Variants in RAB10 observed in about 807,000 individuals in gnomAD.
The protein encoded by RAB10 is RAB10, member RAS oncogene family, also known as ras-related protein Rab-10.
In RAB10, 5 loss-of-function variants were observed where a neutral mutation model predicts 25.7. That is an observed-to-expected ratio of 0.19 (90% confidence interval 0.10 to 0.41). The LOEUF (loss-of-function observed/expected upper bound fraction) is 0.41. RAB10 is among the 10% of genes least tolerant of loss of function. The pLI is 1.00. For missense variants in RAB10, 103 were observed against 245.8 expected (o/e 0.42, Z 3.89); for synonymous variants, 89 against 86.4 (o/e 1.03, Z -0.16).
At chr2:26,061,890 G>A (rs912856491) in intron 1 of RAB10, among the ~76,000 whole-genome samples, 1 of 151,816 alleles carries the variant, frequency 6.6e-6, no homozygotes, top group Admixed American at 6.6e-5. Context: ...CAATGTAGCT[G>A]GCTAATTTTT....
At chr2:26,066,468 A>G (rs1666513974) in intron 1 of RAB10, among the ~76,000 whole-genome samples, 1 of 152,208 alleles carries the variant, frequency 6.6e-6, no homozygotes, top group African/African-American at 2.4e-5. Context: ...CTATGAAGAA[A>G]TACCAGAGAC....
chr2:26,093,332 T>C (rs1205745775), intron 1 of RAB10, among the ~76,000 whole-genome samples: 1 of 152,172 alleles, frequency 6.6e-6, no homozygotes, highest in Non-Finnish European at 1.5e-5. Flanking sequence ...GAAGTCTTTA[T>C]TTGAAGTTTT....
intron 3 of RAB10, among the ~76,000 whole-genome samples, chr2:26,124,389 C>CTTTTGTTTTTTTTTTT (rs1667864720): frequency 5.1e-5 from 1 of 19,666 alleles, no homozygotes; most frequent in East Asian, 2.4e-3. Context: ...GTTGTTGTTG[C>CTTTTGTTTTTTTTTTT]TTTTTTTTTT....
chr2:26,047,846 C>T (rs1174496387), intron 1 of RAB10, among the ~76,000 whole-genome samples: 1 of 151,906 alleles, frequency 6.6e-6, no homozygotes, highest in Non-Finnish European at 1.5e-5. Context: ...GCCACAGCCT[C>T]CCAAGTAGCT....
intron 3 of RAB10, among the ~76,000 whole-genome samples, chr2:26,120,352 A>C (rs1667777914): frequency 2.6e-5 from 4 of 152,340 alleles, no homozygotes; most frequent in Admixed American, 2.6e-4. Context: ...AGAATGATGT[A>C]CTTATACAAC....
At chr2:26,132,035 G>A (rs1668022253) in intron 5 of RAB10, among the ~76,000 whole-genome samples, 1 of 152,174 alleles carries the variant, frequency 6.6e-6, no homozygotes, top group African/African-American at 2.4e-5. Flanking sequence ...TGGCCAAAGA[G>A]CGTACATGTA....
Position 26,135,391 on chromosome 2 carries a change from C to T in RAB10, c.*370C>T, listed in dbSNP as rs547581073. 4 of 163,780 alleles carry T rather than the reference C, an allele frequency of 2.4e-5. No homozygotes were observed. Among genetic ancestry groups the T allele is most frequent in the African/African-American group, 9.5e-5 (4 of 41,900 alleles). 10.1% of individuals were successfully genotyped at this position (163,780 alleles called of 1,614,324 possible). A position where few individuals can be genotyped will look rare whatever the true frequency, so the allele number is the denominator to read the frequency against. On this transcript the variant is annotated 3_prime_UTR_variant, in exon 6 of 6. Coordinates refer to ENST00000264710, the MANE Select transcript of RAB10 (RefSeq NM_016131.5). ...TTAGAATTAACAATTTTATTTTGTA[C>T]AACAGTGGAATTTTCTGTCATGGAT...
intron 3 of RAB10, 142 bp from the exon 4 acceptor site, chr2:26,127,002 A>G (rs1306951808): frequency 3.5e-6 from 2 of 565,902 alleles, no homozygotes; most frequent in Admixed American, 7.8e-5. Flanking sequence ...GGCTTTTAGT[A>G]TGGAGTAGTT....
chr2:26,089,847 G>C (rs998562478), intron 1 of RAB10, among the ~76,000 whole-genome samples: 1 of 152,092 alleles, frequency 6.6e-6, no homozygotes, highest in African/African-American at 2.4e-5. Flanking sequence ...GCTAAGCCAA[G>C]TAGTGTACTA....
chr2:26,134,161 G>T (rs1574567253), intron 5 of RAB10, among the ~76,000 whole-genome samples: 1 of 152,232 alleles, frequency 6.6e-6, no homozygotes, highest in African/African-American at 2.4e-5. Flanking sequence ...TGTTGCACAG[G>T]CTGGAGTGCA....
chr2:26,059,303 TCCA>T (rs1666347797), intron 1 of RAB10, among the ~76,000 whole-genome samples: 1 of 152,238 alleles, frequency 6.6e-6, no homozygotes, highest in African/African-American at 2.4e-5. Context: ...GTTTGAATAG[TCCA>T]GTATGTGCTA....
chr2:26,128,085 C>T, intron 5 of RAB10, 134 bp downstream of exon 5: 1 of 752,062 alleles, frequency 1.3e-6, no homozygotes, highest in South Asian at 1.7e-5. Flanking sequence ...CAGTCCCCAG[C>T]CTTTTTGGCA....
At chr2:26,044,526 A>G (rs1665954367) in intron 1 of RAB10, among the ~76,000 whole-genome samples, 1 of 152,140 alleles carries the variant, frequency 6.6e-6, no homozygotes, top group Non-Finnish European at 1.5e-5. Flanking sequence ...CCAGAAGGCC[A>G]AAAGGCCACA....
chr2:26,039,696 A>G (rs1282609547), intron 1 of RAB10, among the ~76,000 whole-genome samples: 2 of 151,962 alleles, frequency 1.3e-5, no homozygotes, highest in Non-Finnish European at 2.9e-5. Flanking sequence ...CTAGAATGTT[A>G]CTTTATTGTG....
intron 1 of RAB10, among the ~76,000 whole-genome samples, chr2:26,043,760 G>A (rs1348699344): frequency 6.6e-6 from 1 of 152,144 alleles, no homozygotes; most frequent in Non-Finnish European, 1.5e-5. Flanking sequence ...GGGAGTTATT[G>A]CTTAATGATC....
intron 5 of RAB10, among the ~76,000 whole-genome samples, chr2:26,133,819 G>T (rs151182046): frequency 6.6e-6 from 1 of 151,098 alleles, no homozygotes; most frequent in Non-Finnish European, 1.5e-5. Context: ...GATTACAGAC[G>T]TGCAACACCA....
chr2:26,083,962 A>G (rs1666923624), intron 1 of RAB10, among the ~76,000 whole-genome samples: 1 of 152,368 alleles, frequency 6.6e-6, no homozygotes, highest in Non-Finnish European at 1.5e-5. Flanking sequence ...GGAAAACTAC[A>G]AAATATCGCT....
intron 3 of RAB10, among the ~76,000 whole-genome samples, chr2:26,113,573 C>CAA (rs55836203): frequency 6.6e-5 from 10 of 151,122 alleles, no homozygotes; most frequent in Non-Finnish European, 8.9e-5. Context: ...GACTCTGTCT[C>CAA]AAAAAAAAGT....
At chr2:26,131,665 C>T (rs1288058702) in intron 5 of RAB10, among the ~76,000 whole-genome samples, 1 of 152,040 alleles carries the variant, frequency 6.6e-6, no homozygotes, top group Non-Finnish European at 1.5e-5. Context: ...TTCCTCATTT[C>T]CCCCTTACTC....
Sources: gnomAD v4.1 joint callset for allele counts (sites outside exome capture counted in the v4.1 genomes callset) on GRCh38, gnomAD v4.1.1 for gene constraint, MANE v1.5 for transcripts, NCBI Gene and HGNC (gene_info 2026-07-23, HGNC 2026-07-21) for gene names.